Variants in ADAMTS17 observed in about 807,000 individuals in gnomAD.
The protein encoded by ADAMTS17 is ADAM metallopeptidase with thrombospondin type 1 motif 17.
In ADAMTS17, 113 loss-of-function variants were observed where a neutral mutation model predicts 141.5. The observed-to-expected ratio is 0.80, with a 90% CI of 0.69 to 0.93. The LOEUF is 0.93. Among genes scored for constraint, ADAMTS17 ranks in the 40% least tolerant of loss-of-function variants. ADAMTS17 has a pLI of 0.00. For missense variants in ADAMTS17, 1,659 were observed against 1,517.9 expected (o/e 1.09, Z -1.54); for synonymous variants, 768 against 630.6 (o/e 1.22, Z -3.27).
chr15:100,271,971 C>G (rs118099757), intron 4 of ADAMTS17, among the ~76,000 whole-genome samples: 1 of 152,138 alleles, frequency 6.6e-6, no homozygotes, highest in South Asian at 2.1e-4. Context: ...CTTGAAAAGA[C>G]TGTCACTTCT....
At chr15:100,268,497 T>C (rs1225292477) in intron 4 of ADAMTS17, among the ~76,000 whole-genome samples, 1 of 152,202 alleles carries the variant, frequency 6.6e-6, no homozygotes, top group Non-Finnish European at 1.5e-5. Context: ...TTCTCACTGG[T>C]GTGAGATGGT....
chr15:100,244,870 C>T (rs76397803), intron 7 of ADAMTS17, among the ~76,000 whole-genome samples: 1 of 152,148 alleles, frequency 6.6e-6, no homozygotes, highest in Non-Finnish European at 1.5e-5. Context: ...TCAGGACTCA[C>T]AGTGACAGAG....
intron 6 of ADAMTS17, among the ~76,000 whole-genome samples, chr15:100,260,700 C>T (rs4278727): frequency 0.28 from 41,765 of 151,604 alleles, 6,114 homozygotes; most frequent in South Asian, 0.42. Context: ...GCTAAAGATA[C>T]GATAAAGTTC....
At chr15:100,280,535 G>A (rs1221335851) in intron 4 of ADAMTS17, among the ~76,000 whole-genome samples, 1 of 152,088 alleles carries the variant, frequency 6.6e-6, no homozygotes, top group Non-Finnish European at 1.5e-5. Context: ...ACTTCTCAGG[G>A]TGGAGCCCCT....
intron 4 of ADAMTS17, among the ~76,000 whole-genome samples, chr15:100,270,005 T>C (rs2043849444): frequency 6.6e-6 from 1 of 152,230 alleles, no homozygotes; most frequent in Non-Finnish European, 1.5e-5. Context: ...CCTTTCTTCC[T>C]TGTTCAAAAA....
chr15:99,997,184 T>G lies in ADAMTS17; in HGVS notation c.2796+201A>C, dbSNP rs150225328. ...AGTCCTTCACTGTGGTGTTGACATG[T>G]ACATCATCAGAGACATGGTATCTAT... is the stretch of plus-strand genomic sequence containing the variant. On this transcript the variant is annotated intron_variant, in intron 19 of 21. Coordinates refer to ENST00000268070, the MANE Select transcript of ADAMTS17 (RefSeq NM_139057.4). The surrounding 1 kb of genome is among the most constrained non-coding windows in gnomAD (Gnocchi z 4.7). Among the ~76,000 whole-genome samples the G allele has an allele frequency of 2.1e-3, 319 of 152,370 alleles. 1 individual carries two copies. The highest frequency in any genetic ancestry group is 7.2e-3 in the African/African-American group (301 of 41,594).
chr15:99,975,989 T>G, intron 21 of ADAMTS17, 56 bp downstream of exon 21: 1 of 1,508,046 alleles, frequency 6.6e-7, no homozygotes, highest in Non-Finnish European at 8.9e-7. Context: ...AGGGAGGACT[T>G]ACTGGGCAGG....
chr15:100,327,926 AC>A (rs2045943818), intron 3 of ADAMTS17, among the ~76,000 whole-genome samples: 2 of 152,046 alleles, frequency 1.3e-5, no homozygotes, highest in Non-Finnish European at 2.9e-5. Flanking sequence ...CTAGCCACCA[AC>A]CCTGCTCAGA....
intron 3 of ADAMTS17, among the ~76,000 whole-genome samples, chr15:100,292,480 G>A (rs112902134): frequency 0.072 from 10,849 of 150,874 alleles, 389 homozygotes; most frequent in Middle Eastern, 0.085. Context: ...TACTCACCCC[G>A]TGTGAAATTA....
chr15:100,030,389 A>G (rs4965551), intron 18 of ADAMTS17, among the ~76,000 whole-genome samples: 15,859 of 152,214 alleles, frequency 0.1, 2,178 homozygotes, highest in African/African-American at 0.32. Context: ...ACCCAAATAC[A>G]GGTTAGCAGA....
intron 7 of ADAMTS17, among the ~76,000 whole-genome samples, chr15:100,243,691 G>A (rs1164799618): frequency 6.6e-6 from 1 of 151,950 alleles, no homozygotes; most frequent in African/African-American, 2.4e-5. Flanking sequence ...GTGGGAGGCT[G>A]AGGCAGGAGA....
intron 3 of ADAMTS17, among the ~76,000 whole-genome samples, chr15:100,311,333 G>C (rs2045398295): frequency 6.6e-6 from 1 of 152,218 alleles, no homozygotes; most frequent in Non-Finnish European, 1.5e-5. Flanking sequence ...CCGAGGCCAT[G>C]CGCTCACTCA....
At chr15:100,074,641 A>G (rs143754690) in intron 15 of ADAMTS17, among the ~76,000 whole-genome samples, 1,928 of 152,156 alleles carry the variant, frequency 0.013, 39 homozygotes, top group African/African-American at 0.043. Flanking sequence ...TATATTTAGA[A>G]CTTTTGCAAA....
intron 7 of ADAMTS17, among the ~76,000 whole-genome samples, chr15:100,200,208 G>A (rs1214824855): frequency 6.6e-6 from 1 of 152,216 alleles, no homozygotes; most frequent in African/African-American, 2.4e-5. Flanking sequence ...GCAATGCAGG[G>A]CAGTGGAGGC....
chr15:99,998,909 C>T (rs2060861316), intron 18 of ADAMTS17, among the ~76,000 whole-genome samples: 1 of 152,232 alleles, frequency 6.6e-6, no homozygotes, highest in East Asian at 1.9e-4. Context: ...GGTCTGACAG[C>T]CACTCAGTTC....
chr15:100,249,431 A>G (rs4128196), intron 7 of ADAMTS17, among the ~76,000 whole-genome samples: 4,814 of 152,218 alleles, frequency 0.032, 260 homozygotes, highest in African/African-American at 0.11. Context: ...TGCCTCTCCT[A>G]TGGAAGCCCA....
chr15:100,331,105 C>G, intron 2 of ADAMTS17, 51 bp from the exon 3 acceptor site: 1 of 1,609,664 alleles, frequency 6.2e-7, no homozygotes, highest in Non-Finnish European at 8.5e-7. Context: ...CACTCACACA[C>G]GCCCATGGCC....
chr15:100,211,138 A>ATAAATAAG (rs2041793170), intron 7 of ADAMTS17, among the ~76,000 whole-genome samples: 1 of 146,586 alleles, frequency 6.8e-6, no homozygotes, highest in Non-Finnish European at 1.5e-5. Context: ...AAATAAATAA[A>ATAAATAAG]TAAAAATACA....
rs765076043 is a variant in ADAMTS17 at position 100,110,557 on chromosome 15, C to T, written c.1889-1441G>A. On this transcript the variant is annotated intron_variant, in intron 13 of 21. Coordinates refer to ENST00000268070, the MANE Select transcript of ADAMTS17 (RefSeq NM_139057.4). Reference sequence around the variant, plus strand: ...GGGATTATAGAAGTGAGCCACCGCGCCCCGCAAGACTCAGTATATATTTTT... The same window carrying T: ...GGGATTATAGAAGTGAGCCACCGCGTCCCGCAAGACTCAGTATATATTTTT... Among the ~76,000 whole-genome samples the T allele has an allele frequency of 5.9e-4, 90 of 152,048 alleles. 1 individual carries two copies. The highest frequency in any genetic ancestry group is 3.8e-4 in the Non-Finnish European group (26 of 68,034).
Sources: allele counts gnomAD v4.1 joint callset (sites outside exome capture counted in the v4.1 genomes callset), GRCh38; gene constraint gnomAD v4.1.1; non-coding constraint Gnocchi (gnomAD v3.1); transcripts MANE v1.5; gene names NCBI Gene and HGNC (gene_info 2026-07-23, HGNC 2026-07-21).